BRD4: variants seen among roughly 807,000 people sequenced by gnomAD.
BRD4 encodes bromodomain containing 4, also known as bromodomain-containing protein 4.
BRD4 carries 16 observed loss-of-function variants against 142.1 expected under a neutral mutation model. The observed-to-expected ratio is 0.11, with a 90% CI of 0.08 to 0.17. The LOEUF (loss-of-function observed/expected upper bound fraction) is 0.17, where lower values mean the gene tolerates loss of function less well. Ranked by LOEUF, BRD4 falls within the 10% of genes least tolerant of loss-of-function variation. BRD4 has a pLI of 1.00. For missense variants in BRD4, 1,424 were observed against 1,810.9 expected (o/e 0.79, Z 3.88); for synonymous variants, 833 against 707.5 (o/e 1.18, Z -2.82).
At position 15,240,034 on chromosome 19, in the gene BRD4, G is replaced by C; in HGVS notation, c.3170-12C>G. ...TTCGCGGAGGTGACCTAGGAGAAGG[G>C]ACAAGGAATGTGTCAAGGGGCTGGC... On this transcript the variant is annotated splice_polypyrimidine_tract_variant and intron_variant, in intron 14 of 19. Coordinates refer to ENST00000679869, the MANE Select transcript of BRD4 (RefSeq NM_001379291.1). The C allele has an allele frequency of 6.2e-7, 1 of 1,603,160 alleles. No homozygotes were observed. Among genetic ancestry groups the C allele is most frequent in the Non-Finnish European group, 8.5e-7 (1 of 1,174,418 alleles).
chr19:15,258,449 A>G (rs549685611), intron 7 of BRD4, among the ~76,000 whole-genome samples: 5 of 152,126 alleles, frequency 3.3e-5, no homozygotes, highest in African/African-American at 1.2e-4. Context: ...ATGCCCAACT[A>G]ATTTTTGTAT....
intron 1 of BRD4, among the ~76,000 whole-genome samples, chr19:15,280,943 T>C (rs2047699009): frequency 6.6e-6 from 1 of 152,264 alleles, no homozygotes; most frequent in East Asian, 1.9e-4. Flanking sequence ...GCTGAAATGC[T>C]GATTACACAA....
intron 1 of BRD4, chr19:15,280,561 T>C (rs924416645): frequency 5.0e-6 from 3 of 599,604 alleles, no homozygotes; most frequent in African/African-American, 4.0e-5. Context: ...CATACCACTG[T>C]GCTGAAGTCA....
chr19:15,262,518 T>C (rs1289014042), intron 7 of BRD4, among the ~76,000 whole-genome samples: 2 of 126,304 alleles, frequency 1.6e-5, no homozygotes, highest in African/African-American at 3.0e-5. Context: ...GCAAAACCCA[T>C]CTCTTTAAAA....
chr19:15,315,486 T>A (rs182693424), intron 1 of BRD4, among the ~76,000 whole-genome samples: 1 of 151,846 alleles, frequency 6.6e-6, no homozygotes, highest in Non-Finnish European at 1.5e-5. Flanking sequence ...GAAATTCTCT[T>A]GGAAACAGAA....
intron 1 of BRD4, among the ~76,000 whole-genome samples, chr19:15,305,370 T>G (rs2047904954): frequency 6.6e-6 from 1 of 152,138 alleles, no homozygotes; most frequent in South Asian, 2.1e-4. Context: ...TAATAAGACT[T>G]GAAAGGTGAA....
intron 3 of BRD4, chr19:15,268,330 G>A (rs1023438031): frequency 6.5e-6 from 1 of 152,856 alleles, no homozygotes; most frequent in Non-Finnish European, 1.5e-5. Context: ...CGAAAGGTTT[G>A]GCTACGGGGT....
rs943851915 is a variant in BRD4, at chr19:15,238,195, C to T, written c.*182G>A. 14 of 972,912 alleles carry T rather than the reference C, an allele frequency of 1.4e-5. No individual in the cohort carries two copies. The highest frequency in any genetic ancestry group is 5.0e-5 in the African/African-American group (3 of 60,378). 60.3% of individuals were successfully genotyped at this position (972,912 alleles called of 1,614,324 possible). A position where few individuals can be genotyped will look rare whatever the true frequency, so the allele number is the denominator to read the frequency against. ...GTGGCGGGACGTCTGTCCGACTGGC[C>T]GTAAGGCAGACAGGCTCTGCAATCC... On this transcript the variant is annotated 3_prime_UTR_variant, in exon 20 of 20. Coordinates refer to ENST00000679869, the MANE Select transcript of BRD4 (RefSeq NM_001379291.1). This position sits in a 1 kb window ranked among gnomAD's most constrained non-coding sequence, Gnocchi z 7.2.
At chr19:15,331,372 C>T (rs908875274) in intron 1 of BRD4, among the ~76,000 whole-genome samples, 10 of 152,226 alleles carry the variant, frequency 6.6e-5, no homozygotes, top group Admixed American at 5.9e-4. Flanking sequence ...TTTTATTTCG[C>T]TGAATCACAA....
intron 1 of BRD4, among the ~76,000 whole-genome samples, chr19:15,276,758 C>A (rs2047651229): frequency 1.3e-5 from 2 of 152,342 alleles, no homozygotes; most frequent in East Asian, 1.9e-4. Flanking sequence ...CAGACTCAGT[C>A]ACTCGCTCAG....
intron 11 of BRD4, chr19:15,246,607 C>CT (rs1180825947): frequency 2.0e-5 from 3 of 152,100 alleles, no homozygotes; most frequent in African/African-American, 4.8e-5. Context: ...TGGAAGAAAC[C>CT]TTGTTTTTTT....
intron 1 of BRD4, among the ~76,000 whole-genome samples, chr19:15,318,962 T>C (rs756899430): frequency 3.9e-5 from 6 of 152,186 alleles, no homozygotes; most frequent in Non-Finnish European, 8.8e-5. Flanking sequence ...TGGAGGATTT[T>C]TGCAAGGACA....
At chr19:15,268,462 C>T (rs1324208746) in intron 3 of BRD4, among the ~76,000 whole-genome samples, 1 of 148,264 alleles carries the variant, frequency 6.7e-6, no homozygotes, top group Non-Finnish European at 1.5e-5. Flanking sequence ...CTGAGCTCTG[C>T]GCCGGCCCCA....
intron 1 of BRD4, 32 bp from the exon 2 acceptor site, chr19:15,273,165 A>G (rs199924988): frequency 6.6e-7 from 1 of 1,517,724 alleles, no homozygotes; most frequent in Admixed American, 2.1e-5. Flanking sequence ...CCCGTGAGAT[A>G]TCAGTCAGCA....
intron 8 of BRD4, among the ~76,000 whole-genome samples, 168 bp from the exon 9 acceptor site, chr19:15,256,431 T>C (rs1007771306): frequency 1.3e-5 from 2 of 152,222 alleles, no homozygotes; most frequent in African/African-American, 4.8e-5. Context: ...GCGCCTGTCA[T>C]GTTAACCAGA....
chr19:15,267,762 G>C (rs2047550088), intron 3 of BRD4, among the ~76,000 whole-genome samples: 1 of 152,182 alleles, frequency 6.6e-6, no homozygotes, highest in African/African-American at 2.4e-5. Context: ...GCCTACACTT[G>C]TCTACCTGCA....
At chr19:15,300,928 G>T (rs184962347) in intron 1 of BRD4, among the ~76,000 whole-genome samples, 328 of 152,308 alleles carry the variant, frequency 2.2e-3, no homozygotes, top group South Asian at 6.0e-3. Context: ...CTCACTTGCA[G>T]GTCTTTAACC....
intron 1 of BRD4, among the ~76,000 whole-genome samples, chr19:15,281,787 G>A (rs537950901): frequency 1.3e-5 from 2 of 152,308 alleles, no homozygotes; most frequent in Admixed American, 6.5e-5. Context: ...GGAGGCCGAG[G>A]CGGGTGGATT....
intron 1 of BRD4, among the ~76,000 whole-genome samples, chr19:15,298,989 C>T (rs946484350): frequency 4.6e-5 from 7 of 152,172 alleles, no homozygotes; most frequent in Non-Finnish European, 7.3e-5. Flanking sequence ...CCTCTTCTGC[C>T]GGCACAGAGC....
Sources: gnomAD v4.1 joint callset for allele counts (sites outside exome capture counted in the v4.1 genomes callset) on GRCh38, gnomAD v4.1.1 for gene constraint, Gnocchi (gnomAD v3.1) non-coding constraint, MANE v1.5 for transcripts, NCBI Gene and HGNC (gene_info 2026-07-23, HGNC 2026-07-21) for gene names.